PLEKHG4B: variants seen among roughly 807,000 people sequenced by gnomAD.
PLEKHG4B encodes the protein pleckstrin homology domain-containing family G member 4B.
In PLEKHG4B, 111 loss-of-function variants were observed where a neutral mutation model predicts 121.3. The ratio of observed to expected loss-of-function variants is 0.92; its 90% confidence interval spans 0.78 to 1.07. The LOEUF is 1.07. PLEKHG4B is among the 50% of genes least tolerant of loss of function. PLEKHG4B has a pLI of 0.00. For missense variants in PLEKHG4B, 1,831 were observed against 1,757.8 expected (o/e 1.04, Z -0.74); for synonymous variants, 738 against 725.0 (o/e 1.02, Z -0.29).
rs868474279 is a variant in PLEKHG4B, at chr5:162,418, C to T, written c.2650-304C>T. Among the ~76,000 whole-genome samples the T allele has an allele frequency of 3.6e-4, 55 of 152,352 alleles. 2 individuals are homozygous for T. The highest frequency in any genetic ancestry group is 3.4e-3 in the Middle Eastern group (1 of 294). ...CAGAGCAGGGTAGAGCCGTCTGCCC[C>T]GTCACGCCTCTCTCAGCTCACAGGA... On this transcript the variant is annotated intron_variant, in intron 12 of 19. Coordinates refer to ENST00000637938, the MANE Select transcript of PLEKHG4B (RefSeq NM_052909.5).
chr5:142,087 C>T (rs146984264), intron 3 of PLEKHG4B, among the ~76,000 whole-genome samples: 61 of 152,324 alleles, frequency 4.0e-4, no homozygotes, highest in African/African-American at 1.4e-3. Flanking sequence ...CGCACACACA[C>T]GGGACCTACC....
chr5:158,396 T>G lies in PLEKHG4B; in HGVS notation c.2487+1485T>G, dbSNP rs543845664. 2.8e-4 allele frequency among the ~76,000 whole-genome samples: 36 copies of G among 127,566 alleles called. 1 individual carries two copies. The highest frequency in any genetic ancestry group is 0.014 in the Middle Eastern group (2 of 146). 83.7% of individuals were successfully genotyped at this position (127,566 alleles called of 152,430 possible). On this transcript the variant is annotated intron_variant, in intron 11 of 19. Transcript: ENST00000637938. ...TCCTGGGGGTCTCCTCCATCTCCTCTCCTCTCTCTGCCCATCCTGGGGGTC... is the reference window on the plus strand; with the variant it reads ...TCCTGGGGGTCTCCTCCATCTCCTCGCCTCTCTCTGCCCATCCTGGGGGTC...
chr5:143,555 A>G lies in PLEKHG4B; in HGVS notation c.1811+52A>G, dbSNP rs758046363. 2.5e-6 allele frequency: 4 copies of G among 1,595,466 alleles called. No homozygotes were observed. The East Asian group carries it at 9.0e-5, about 36-fold the overall frequency. On this transcript the variant is annotated intron_variant, in intron 5 of 19. Transcript: ENST00000637938. ...TGCAGACCCATGGGACCCCAGCTGC[A>G]TGTGTGTGGCAAAGTGGGGGGCACG...
At position 163,063 on chromosome 5, in the gene PLEKHG4B, C is replaced by T. The variant is rs2126438129; in HGVS notation, c.2991C>T (p.Asp997=). Residue 997 remains aspartate, a synonymous_variant, in exon 13 of 20, where the codon GAC becomes GAT. Coordinates refer to ENST00000637938, the MANE Select transcript of PLEKHG4B (RefSeq NM_052909.5). The stretch of plus-strand genomic sequence containing the variant: ...AGCCACCCTCATTCCCCAGCACGGA[C>T]AGTGGGGGTGGTGCCTGGGAACCTG... ...HQKPPSFPST[D]SGGGAWEPAQ... 1 of 1,560,668 alleles carries T rather than the reference C, an allele frequency of 6.4e-7. No homozygotes were observed. The highest frequency in any genetic ancestry group is 8.7e-7 in the Non-Finnish European group (1 of 1,152,440).
chr5:172,078 G>T (rs1736573772), intron 16 of PLEKHG4B, among the ~76,000 whole-genome samples: 1 of 152,252 alleles, frequency 6.6e-6, no homozygotes, highest in African/African-American at 2.4e-5. Context: ...ACACCCCAAT[G>T]GCAGAGCAGG....
At chr5:93,796 A>T (rs1315947270) in intron 1 of PLEKHG4B, among the ~76,000 whole-genome samples, 1 of 152,180 alleles carries the variant, frequency 6.6e-6, no homozygotes, top group African/African-American at 2.4e-5. Flanking sequence ...GTTACTTGTA[A>T]AGTAGCCCAG....
In PLEKHG4B at chr5:155,385, T is replaced by A. The variant is rs1454459024; in HGVS notation, c.2150T>A (p.Ile717Asn). The change falls in exon 9 of 20, where the codon ATT (isoleucine) becomes AAT (asparagine). Residue 717 changes from isoleucine to asparagine, a missense_variant. Ile to Asn is a moderately radical substitution (Grantham distance 149). Transcript: ENST00000637938. The stretch of plus-strand genomic sequence containing the variant: ...GCTGCAAACTGTGAAGAAGCCATCA[T>A]TTTCCTACAGAATTCATTCTGCTCC... ...HFAANCEEAI[I>N]FLQNSFCSLN... 1 of 1,614,058 alleles carries A rather than the reference T, an allele frequency of 6.2e-7. No individual in the cohort carries two copies. Among genetic ancestry groups the A allele is most frequent in the Non-Finnish European group, 8.5e-7 (1 of 1,180,032 alleles).
intron 2 of PLEKHG4B, among the ~76,000 whole-genome samples, chr5:115,962 C>T (rs1007321162): frequency 3.3e-5 from 5 of 152,198 alleles, no homozygotes; most frequent in Non-Finnish European, 7.3e-5. Flanking sequence ...TAATTTCCTT[C>T]GGTAGCTTTT....
chr5:163,632 C>T, intron 13 of PLEKHG4B, 84 bp downstream of exon 13: 3 of 1,166,448 alleles, frequency 2.6e-6, no homozygotes, highest in Non-Finnish European at 3.5e-6. Context: ...AAACTCTCTT[C>T]TGCAAAGTAG....
Position 151,471 on chromosome 5 carries a change from T to G in PLEKHG4B, c.1906-42T>G, listed in dbSNP as rs747246571. 1.0e-5 allele frequency: 14 copies of G among 1,362,872 alleles called. No individual in the cohort carries two copies. The East Asian group carries it at 2.2e-4, about 21-fold the overall frequency. 84.4% of individuals were successfully genotyped at this position (1,362,872 alleles called of 1,614,324 possible). A position where few individuals can be genotyped will look rare whatever the true frequency, so the allele number is the denominator to read the frequency against. On this transcript the variant is annotated intron_variant, in intron 6 of 19. Transcript: ENST00000637938. ...GCAATTCTATTAATGAAGTTAAAAA[T>G]TAGAAAGCTAATCAGTAATATTTAT...
rs746023035 is a variant in PLEKHG4B at position 162,904 on chromosome 5, G to A, written c.2832G>A (p.Trp944Ter). 6.5e-7 allele frequency: 1 copy of A among 1,534,324 alleles called. No homozygotes were observed. Among genetic ancestry groups the A allele is most frequent in the Admixed American group, 2.0e-5 (1 of 49,306 alleles). ...CGTGGGCATCACAGCAAGACCTGTG[G>A]CTGCAGTACCCCCAGACCCGGCTCC... ...GKPWASQQDL[W>*]LQYPQTRLRL... Residue 944 changes from tryptophan (W) to a stop codon, truncating the protein, a stop_gained, in exon 13 of 20, where the codon TGG becomes TGA. Transcript: ENST00000637938. LOFTEE classifies it high-confidence loss of function.
chr5:148,351 A>AT (rs1436692555), intron 6 of PLEKHG4B, among the ~76,000 whole-genome samples: 15 of 150,940 alleles, frequency 9.9e-5, no homozygotes, highest in Non-Finnish European at 1.8e-4. Flanking sequence ...CCACAAAAAA[A>AT]AAAAAATAAA....
At chr5:110,962 C>G (rs974330753) in intron 1 of PLEKHG4B, among the ~76,000 whole-genome samples, 5 of 152,262 alleles carry the variant, frequency 3.3e-5, no homozygotes, top group Non-Finnish European at 5.9e-5. Flanking sequence ...CCTGTGTCTG[C>G]TCTCTCTCCT....
chr5:94,627 T>C (rs1214063053), intron 1 of PLEKHG4B, among the ~76,000 whole-genome samples: 1 of 151,586 alleles, frequency 6.6e-6, no homozygotes, highest in Non-Finnish European at 1.5e-5. Context: ...GCAGGTTCCA[T>C]CCTGAAGGTG....
At chr5:164,702 G>A (rs112843401) in intron 13 of PLEKHG4B, among the ~76,000 whole-genome samples, 621 of 43,990 alleles carry the variant, frequency 0.014, 31 homozygotes, top group African/African-American at 0.041. Flanking sequence ...TCACACTAAT[G>A]CTCTGACGGG....
rs562167826 is a variant in PLEKHG4B at position 186,930 on chromosome 5, G to C, written c.*4607G>C. On this transcript the variant is annotated 3_prime_UTR_variant, in exon 20 of 20. Transcript: ENST00000637938. ...CTCAGTACTGGGACCCCCAGGAAGG[G>C]TGTGTGGCCCCACCATCCTGAATGC... 1 of 152,572 alleles carries C rather than the reference G, an allele frequency of 6.6e-6. No individual in the cohort carries two copies. The highest frequency in any genetic ancestry group is 2.1e-4 in the South Asian group (1 of 4,826). 9.5% of individuals were successfully genotyped at this position (152,572 alleles called of 1,614,324 possible).
intron 1 of PLEKHG4B, among the ~76,000 whole-genome samples, chr5:102,875 C>T (rs1409349445): frequency 3.9e-5 from 6 of 152,218 alleles, no homozygotes; most frequent in Admixed American, 2.6e-4. Context: ...CTGTGTGACA[C>T]GTGGCTTTTT....
chr5:183,268 G>T lies in PLEKHG4B; in HGVS notation c.*945G>T, dbSNP rs1325429780. 6.6e-6 allele frequency: 1 copy of T among 152,212 alleles called. No individual in the cohort carries two copies. The highest frequency in any genetic ancestry group is 1.9e-4 in the East Asian group (1 of 5,196). 9.4% of individuals were successfully genotyped at this position (152,212 alleles called of 1,614,324 possible). A position where few individuals can be genotyped will look rare whatever the true frequency, so the allele number is the denominator to read the frequency against. On this transcript the variant is annotated 3_prime_UTR_variant, in exon 20 of 20. Coordinates refer to ENST00000637938, the MANE Select transcript of PLEKHG4B (RefSeq NM_052909.5). ...CCAGAACAAAGCTCCAGATGATCTA[G>T]GGGTTACCAAAGTGTCCACACCCTG...
At chr5:121,047 C>A (rs1734452653) in intron 2 of PLEKHG4B, among the ~76,000 whole-genome samples, 1 of 151,888 alleles carries the variant, frequency 6.6e-6, no homozygotes, top group Non-Finnish European at 1.5e-5. Flanking sequence ...GAGATCGAGA[C>A]CATCCTGGCT....
Sources: gnomAD v4.1 joint callset for allele counts (sites outside exome capture counted in the v4.1 genomes callset) on GRCh38, gnomAD v4.1.1 for gene constraint, MANE v1.5 for transcripts, NCBI Gene and HGNC (gene_info 2026-07-23, HGNC 2026-07-21) for gene names.